The following FOXP1 variants were observed in gnomAD, a reference collection of about 807,000 sequenced individuals.
FOXP1 encodes forkhead box protein P1.
In FOXP1, 15 loss-of-function variants were observed where a neutral mutation model predicts 98.2. The ratio of observed to expected loss-of-function variants is 0.15; its 90% CI spans 0.10 to 0.24. The LOEUF (loss-of-function observed/expected upper bound fraction) is 0.24, where lower values mean the gene tolerates loss of function less well. Among genes scored for constraint, FOXP1 ranks in the 10% least tolerant of loss-of-function variants. FOXP1 has a pLI of 1.00. For missense variants in FOXP1, 633 were observed against 848.5 expected (o/e 0.75, Z 3.15); for synonymous variants, 371 against 314.5 (o/e 1.18, Z -1.90).
At chr3:71,339,797 C>T (rs1373675706) in intron 4 of FOXP1, among the ~76,000 whole-genome samples, 3 of 152,182 alleles carry the variant, frequency 2.0e-5, no homozygotes, top group South Asian at 2.1e-4. Flanking sequence ...GATAATTCCT[C>T]TCTGAGAGAA....
At chr3:71,069,049 T>C (rs1383906476) in intron 7 of FOXP1, among the ~76,000 whole-genome samples, 1 of 152,240 alleles carries the variant, frequency 6.6e-6, no homozygotes, top group East Asian at 1.9e-4. Context: ...TAGCTCCATA[T>C]TGATATTGTT....
At chr3:71,461,332 A>G (rs2088078451) in intron 3 of FOXP1, among the ~76,000 whole-genome samples, 1 of 152,242 alleles carries the variant, frequency 6.6e-6, no homozygotes, top group Non-Finnish European at 1.5e-5. Context: ...CATCACGTCT[A>G]AAAACACAGA....
chr3:71,099,801 ACAATCTCCAAAACT>A (rs1403317650), intron 7 of FOXP1, among the ~76,000 whole-genome samples: 4 of 152,200 alleles, frequency 2.6e-5, no homozygotes, highest in African/African-American at 9.7e-5. Context: ...TCTGACATAT[ACAATCTCCAAAACT>A]CAACCATGCA....
chr3:71,319,157 C>G (rs981064995), intron 4 of FOXP1, among the ~76,000 whole-genome samples: 2 of 152,170 alleles, frequency 1.3e-5, no homozygotes, highest in Admixed American at 1.3e-4. Flanking sequence ...TTGTCAAACA[C>G]ACACATTTTC....
chr3:71,416,925 G>A (rs191514614), intron 3 of FOXP1, among the ~76,000 whole-genome samples: 49 of 152,136 alleles, frequency 3.2e-4, no homozygotes, highest in Admixed American at 5.2e-4. Context: ...AAGGGACCTC[G>A]GCCTGGTAAA....
intron 5 of FOXP1, among the ~76,000 whole-genome samples, chr3:71,277,922 C>T (rs201597313): frequency 6.6e-6 from 1 of 152,050 alleles, no homozygotes; most frequent in East Asian, 1.9e-4. Context: ...TCTTCATTGG[C>T]TCACTAATAT....
intron 13 of FOXP1, among the ~76,000 whole-genome samples, 183 bp from the exon 14 acceptor site, chr3:70,988,260 G>A (rs892446056): frequency 8.5e-5 from 13 of 152,218 alleles, no homozygotes; most frequent in Admixed American, 3.3e-4. Flanking sequence ...GTGTTGGTGT[G>A]AGATTTCTCA....
rs1341645019 is a variant in FOXP1 at position 70,956,331 on chromosome 3, T to G, written c.*2916A>C. 2 of 233,148 alleles carry G rather than the reference T, an allele frequency of 8.6e-6. No homozygotes were observed. The highest frequency in any genetic ancestry group is 1.7e-5 in the Non-Finnish European group (2 of 117,880). 14.4% of individuals were successfully genotyped at this position (233,148 alleles called of 1,614,324 possible). A position where few individuals can be genotyped will look rare whatever the true frequency, so the allele number is the denominator to read the frequency against. On this transcript the variant is annotated 3_prime_UTR_variant, in exon 21 of 21. Coordinates refer to ENST00000649528, the MANE Select transcript of FOXP1 (RefSeq NM_001349338.3). ...TGTAAAAATCATAGTGAAGTTTGCT[T>G]GCTGTAAAGCCTGAGAATTTTTTTT...
intron 3 of FOXP1, among the ~76,000 whole-genome samples, chr3:71,445,372 G>A (rs1448835466): frequency 6.6e-6 from 1 of 152,134 alleles, no homozygotes; most frequent in Non-Finnish European, 1.5e-5. Context: ...TGCCTGAACC[G>A]GAATGGGGCT....
Position 71,015,231 on chromosome 3 carries a change from A to T in FOXP1, c.974+318T>A, listed in dbSNP as rs565600314. Among the ~76,000 whole-genome samples, 68 of 152,310 alleles carry T rather than the reference A, an allele frequency of 4.5e-4. No homozygotes were observed. The South Asian group carries it at 9.5e-3, about 21-fold the overall frequency. ...CATTGATTTGATATGTAAGGACATG[A>T]ATAAAAGTAAACGCTAAAAAACTGC... On this transcript the variant is annotated intron_variant, in intron 12 of 20. Coordinates refer to ENST00000649528, the MANE Select transcript of FOXP1 (RefSeq NM_001349338.3).
chr3:71,015,733 G>T, intron 11 of FOXP1, 80 bp from the exon 12 acceptor site: 1 of 976,346 alleles, frequency 1.0e-6, no homozygotes, highest in East Asian at 2.5e-5. Flanking sequence ...AAAAAGGCAG[G>T]AGGAGCCCAC....
intron 7 of FOXP1, among the ~76,000 whole-genome samples, chr3:71,085,614 A>G (rs1463688583): frequency 1.3e-5 from 2 of 152,004 alleles, no homozygotes; most frequent in African/African-American, 2.4e-5. Context: ...CAATCCAGTG[A>G]AATTCTAATA....
chr3:71,131,855 G>C (rs1361648426), intron 6 of FOXP1, among the ~76,000 whole-genome samples: 3 of 152,186 alleles, frequency 2.0e-5, no homozygotes, highest in African/African-American at 4.8e-5. Context: ...CAGTTCAAAA[G>C]GCAGATCATA....
chr3:71,027,817 A>G (rs1212116942), intron 11 of FOXP1, among the ~76,000 whole-genome samples: 1 of 152,210 alleles, frequency 6.6e-6, no homozygotes, highest in Admixed American at 6.5e-5. Flanking sequence ...ATAATTAATA[A>G]ACATACTTAG....
intron 4 of FOXP1, among the ~76,000 whole-genome samples, chr3:71,316,071 C>T (rs989493376): frequency 6.6e-6 from 1 of 152,176 alleles, no homozygotes; most frequent in Non-Finnish European, 1.5e-5. Context: ...GGCGGCTCTG[C>T]TCCTGGACCC....
chr3:71,275,978 T>C (rs1218213162), intron 5 of FOXP1: 4 of 152,210 alleles, frequency 2.6e-5, no homozygotes, highest in Non-Finnish European at 4.4e-5. Flanking sequence ...GACATTTTCA[T>C]TTATAGTTAA....
intron 3 of FOXP1, among the ~76,000 whole-genome samples, chr3:71,397,025 C>CACAT (rs1305430376): frequency 0.025 from 424 of 16,922 alleles, 14 homozygotes; most frequent in Non-Finnish European, 0.049. Flanking sequence ...TATATATATA[C>CACAT]ATATATATGT....
chr3:71,385,477 A>G (rs748089545), intron 3 of FOXP1, among the ~76,000 whole-genome samples: 4 of 152,140 alleles, frequency 2.6e-5, no homozygotes, highest in African/African-American at 9.7e-5. Context: ...ACCTGCCCCA[A>G]TCAGCTGCTC....
chr3:71,196,629 T>C (rs997406336), intron 6 of FOXP1, among the ~76,000 whole-genome samples: 3 of 152,224 alleles, frequency 2.0e-5, no homozygotes, highest in Non-Finnish European at 4.4e-5. Flanking sequence ...GAAGATAGCA[T>C]TCAGCAACAT....
Sources: allele counts gnomAD v4.1 joint callset (sites outside exome capture counted in the v4.1 genomes callset), GRCh38; gene constraint gnomAD v4.1.1; transcripts MANE v1.5; gene names NCBI Gene and HGNC (gene_info 2026-07-23, HGNC 2026-07-21).